PARD3: variants seen among roughly 807,000 people sequenced by gnomAD.
PARD3 encodes partitioning defective 3 homolog.
PARD3 carries 75 observed loss-of-function variants against 155.4 expected under a neutral mutation model. The observed-to-expected ratio is 0.48, with a 90% confidence interval of 0.40 to 0.58. The LOEUF is 0.58. Ranked by LOEUF, PARD3 falls within the 20% of genes least tolerant of loss-of-function variation. The pLI is 0.00. For missense variants in PARD3, 1,642 were observed against 1,721.7 expected, an observed-to-expected ratio of 0.95 and a Z score of 0.82; for synonymous variants, 576 against 610.5, an observed-to-expected ratio of 0.94 and a Z score of 0.83.
At chr10:34,308,828 G>A (rs1957548343) in intron 20 of PARD3, among the ~76,000 whole-genome samples, 1 of 151,682 alleles carries the variant, frequency 6.6e-6, no homozygotes, top group African/African-American at 2.4e-5. Context: ...GAAAACAAAA[G>A]GACTTCGGAC....
At chr10:34,722,682 A>T (rs1307146741) in intron 1 of PARD3, among the ~76,000 whole-genome samples, 1 of 152,254 alleles carries the variant, frequency 6.6e-6, no homozygotes, top group African/African-American at 2.4e-5. Flanking sequence ...GACAGCCTTC[A>T]TCTCAAAAAC....
chr10:34,145,219 A>ATTT lies in PARD3; in HGVS notation c.3420-13637_3420-13636insAAA, dbSNP rs1482241627. 2.5e-3 allele frequency among the ~76,000 whole-genome samples: 134 copies of ATTT among 53,522 alleles called. 2 individuals carry two copies. The highest frequency in any genetic ancestry group is 3.4e-3 in the Non-Finnish European group (103 of 30,708). 35.1% of individuals were successfully genotyped at this position (53,522 alleles called of 152,430 possible). A position where few individuals can be genotyped will look rare whatever the true frequency, so the allele number is the denominator to read the frequency against. ...TATATATATATATATATATATATAT[A>ATTT]TATTTTTTTTTTTTTTTTTTTTACA... On this transcript the variant is annotated intron_variant, in intron 22 of 24. Coordinates refer to ENST00000374788, the MANE Select transcript of PARD3 (RefSeq NM_001184785.2).
intron 2 of PARD3, among the ~76,000 whole-genome samples, chr10:34,641,686 G>A (rs959144575): frequency 3.3e-5 from 5 of 152,128 alleles, no homozygotes; most frequent in Non-Finnish European, 5.9e-5. Context: ...GGAGCACCAC[G>A]CATGGCTGGG....
At chr10:34,756,475 T>TTTTA (rs1564585626) in intron 1 of PARD3, among the ~76,000 whole-genome samples, 2 of 83,774 alleles carry the variant, frequency 2.4e-5, no homozygotes. Context: ...TTTTTTTTCT[T>TTTTA]ATAAAAAAAA....
chr10:34,225,438 C>T (rs756697317), intron 22 of PARD3, among the ~76,000 whole-genome samples: 18 of 151,952 alleles, frequency 1.2e-4, no homozygotes, highest in Non-Finnish European at 2.5e-4. Context: ...CTCCACCTCC[C>T]GGGTTCAAGT....
intron 2 of PARD3, among the ~76,000 whole-genome samples, chr10:34,639,498 G>A (rs1442934883): frequency 6.6e-6 from 1 of 152,232 alleles, no homozygotes; most frequent in Non-Finnish European, 1.5e-5. Context: ...GGTGGAGGAT[G>A]AGAATCAAAT....
Position 34,405,484 on chromosome 10 carries a change from T to C in PARD3, c.715-3567A>G, listed in dbSNP as rs140101916. 3.9e-5 allele frequency among the ~76,000 whole-genome samples: 6 copies of C among 152,248 alleles called. No individual in the cohort carries two copies. In the East Asian group the frequency reaches 1.2e-3, roughly 29 times the overall value. ...TGTGCTTTGCTATATACAAAATATT[T>C]TCAATGTAGAATGTCTTTAGGATGA... On this transcript the variant is annotated intron_variant, in intron 5 of 24. Coordinates refer to ENST00000374788, the MANE Select transcript of PARD3 (RefSeq NM_001184785.2).
At chr10:34,785,805 T>C (rs1365451721) in intron 1 of PARD3, among the ~76,000 whole-genome samples, 1 of 152,106 alleles carries the variant, frequency 6.6e-6, no homozygotes, top group Non-Finnish European at 1.5e-5. Context: ...TTAGGAAACT[T>C]TTGAATTTCA....
At position 34,227,852 on chromosome 10, in the gene PARD3, TTTTTTATATATA is replaced by T. The variant is rs1407533591; in HGVS notation, c.3419+41793_3419+41804del. On this transcript the variant is annotated intron_variant, in intron 22 of 24. Transcript: ENST00000374788. ...TATATATTCCCAGTAATGGGAATTA[TTTTTTATATATA>T]TATATATATATATATATATACTGGG... Among the ~76,000 whole-genome samples the T allele has an allele frequency of 2.2e-4, 7 of 31,396 alleles. 1 individual carries two copies. The highest frequency in any genetic ancestry group is 8.6e-4 in the African/African-American group (7 of 8,176). The allele number at this position is 31,396 out of a possible 152,430, so 20.6% of individuals were successfully genotyped here.
intron 2 of PARD3, among the ~76,000 whole-genome samples, chr10:34,570,459 T>C (rs1699658652): frequency 6.6e-6 from 1 of 152,186 alleles, no homozygotes; most frequent in Non-Finnish European, 1.5e-5. Flanking sequence ...CCATGAAAGA[T>C]AACACAGAAT....
At chr10:34,615,786 A>G (rs2091210053) in intron 2 of PARD3, among the ~76,000 whole-genome samples, 1 of 152,226 alleles carries the variant, frequency 6.6e-6, no homozygotes, top group South Asian at 2.1e-4. Flanking sequence ...AAAATGATCT[A>G]AATAGAGAGT....
In PARD3 at chr10:34,401,931, A is replaced by G. The variant is rs1564672438; in HGVS notation, c.715-14T>C. The G allele has an allele frequency of 1.2e-6, 2 of 1,601,114 alleles. No homozygotes were observed. The highest frequency in any genetic ancestry group is 3.3e-5 in the Admixed American group (2 of 59,986). ...CCCATCCTCATCCTAGAGGCAGCCAACACAAAGAAAAGTACACTCTGTGTT... is the reference window on the plus strand; with the variant it reads ...CCCATCCTCATCCTAGAGGCAGCCAGCACAAAGAAAAGTACACTCTGTGTT... On this transcript the variant is annotated splice_polypyrimidine_tract_variant and intron_variant, in intron 5 of 24. Coordinates refer to ENST00000374788, the MANE Select transcript of PARD3 (RefSeq NM_001184785.2).
At chr10:34,238,550 C>T (rs949977256) in intron 22 of PARD3, among the ~76,000 whole-genome samples, 1 of 151,878 alleles carries the variant, frequency 6.6e-6, no homozygotes, top group Non-Finnish European at 1.5e-5. Context: ...AAGCTGGTAG[C>T]CAACAATCGG....
chr10:34,130,267 C>T, intron 23 of PARD3, among the ~76,000 whole-genome samples: 1 of 152,120 alleles, frequency 6.6e-6, no homozygotes, highest in East Asian at 1.9e-4. Context: ...TGAGGCTAAT[C>T]CTTCCTTGAG....
At chr10:34,639,017 C>T (rs890815546) in intron 2 of PARD3, among the ~76,000 whole-genome samples, 1 of 152,182 alleles carries the variant, frequency 6.6e-6, no homozygotes, top group African/African-American at 2.4e-5. Context: ...ATGCCATTAG[C>T]ATAATGTCTA....
intron 22 of PARD3, among the ~76,000 whole-genome samples, chr10:34,178,196 C>A (rs942281498): frequency 3.9e-5 from 6 of 152,106 alleles, no homozygotes; most frequent in Non-Finnish European, 7.4e-5. Flanking sequence ...ATAAGCTAAG[C>A]CTTCTCTAAT....
chr10:34,315,291 C>G (rs1957941726), intron 20 of PARD3, among the ~76,000 whole-genome samples: 1 of 152,128 alleles, frequency 6.6e-6, no homozygotes, highest in Non-Finnish European at 1.5e-5. Flanking sequence ...CTCCTCTGGC[C>G]CCAGATAGAA....
intron 1 of PARD3, among the ~76,000 whole-genome samples, chr10:34,743,405 CT>C (rs2095053590): frequency 6.6e-6 from 1 of 152,140 alleles, no homozygotes; most frequent in African/African-American, 2.4e-5. Flanking sequence ...TTTGATTGAC[CT>C]AAGAAACATA....
At position 34,671,682 on chromosome 10, in the gene PARD3, T is replaced by C. The variant is rs75510975; in HGVS notation, c.222+24636A>G. Reference sequence around the variant, plus strand: ...GGTAAAATGCTTGCCAAAATAAGATTATATGTATTTCCACATCAGGGAGAA... The same window carrying C: ...GGTAAAATGCTTGCCAAAATAAGATCATATGTATTTCCACATCAGGGAGAA... On this transcript the variant is annotated intron_variant, in intron 2 of 24. Coordinates refer to ENST00000374788, the MANE Select transcript of PARD3 (RefSeq NM_001184785.2). 1.3e-4 allele frequency among the ~76,000 whole-genome samples: 20 copies of C among 152,272 alleles called. No individual in the cohort carries two copies. In the East Asian group the frequency reaches 3.5e-3, roughly 26 times the overall value.
Sources: gnomAD v4.1 joint callset for allele counts (sites outside exome capture counted in the v4.1 genomes callset) on GRCh38, gnomAD v4.1.1 for gene constraint, MANE v1.5 for transcripts, NCBI Gene and HGNC (gene_info 2026-07-23, HGNC 2026-07-21) for gene names.